Variants in ASCC1 observed in about 807,000 individuals in gnomAD.
ASCC1 encodes ASC-1 complex subunit P50.
In ASCC1, 35 loss-of-function variants were observed where a neutral mutation model predicts 46.6. The ratio of observed to expected loss-of-function variants is 0.75; its 90% CI spans 0.57 to 0.99. The LOEUF (loss-of-function observed/expected upper bound fraction) is 0.99. Ranked by LOEUF, ASCC1 falls within the 50% of genes least tolerant of loss-of-function variation. The pLI is 0.00. For synonymous variants in ASCC1, 143 were observed against 146.6 expected (o/e 0.98, Z 0.18); for missense variants, 376 against 428.7 (o/e 0.88, Z 1.09).
intron 7 of ASCC1, among the ~76,000 whole-genome samples, chr10:72,149,437 CAAAAAAAAAAAAAAA>C (rs11297879): frequency 1.9e-5 from 1 of 52,702 alleles, no homozygotes; most frequent in Non-Finnish European, 3.7e-5. Context: ...GACTCCGTCA[CAAAAAAAAAAAAAAA>C]AAAAAAAAAA....
chr10:72,107,631 CA>C (rs1842486937), intron 9 of ASCC1, among the ~76,000 whole-genome samples: 1 of 152,248 alleles, frequency 6.6e-6, no homozygotes, highest in Non-Finnish European at 1.5e-5. Flanking sequence ...CCTCTACACA[CA>C]GACACACATA....
intron 6 of ASCC1, among the ~76,000 whole-genome samples, chr10:72,160,531 T>C (rs1849517886): frequency 6.6e-6 from 1 of 151,998 alleles, no homozygotes; most frequent in South Asian, 2.1e-4. Context: ...ATGCTTTCCC[T>C]GAGTCAAAAC....
At chr10:72,154,676 G>C (rs1485017362) in intron 6 of ASCC1, among the ~76,000 whole-genome samples, 1 of 152,070 alleles carries the variant, frequency 6.6e-6, no homozygotes, top group Non-Finnish European at 1.5e-5. Context: ...ACTTTTAGTA[G>C]AGACTAGGTT....
At chr10:72,171,706 C>A (rs923888162) in intron 5 of ASCC1, among the ~76,000 whole-genome samples, 2 of 152,146 alleles carry the variant, frequency 1.3e-5, no homozygotes, top group Non-Finnish European at 2.9e-5. Context: ...CGTGAGCCAC[C>A]GCGCCCAGCC....
At chr10:72,146,409 A>G (rs1037540254) in intron 7 of ASCC1, among the ~76,000 whole-genome samples, 3 of 152,258 alleles carry the variant, frequency 2.0e-5, no homozygotes, top group African/African-American at 7.2e-5. Flanking sequence ...GTCTCATCAG[A>G]GTGAACGTTT....
chr10:72,161,145 A>G (rs1159832699), intron 6 of ASCC1, among the ~76,000 whole-genome samples: 2 of 151,836 alleles, frequency 1.3e-5, no homozygotes, highest in African/African-American at 4.8e-5. Flanking sequence ...TTCCCTAGAG[A>G]ATCGTGTTAT....
At chr10:72,119,050 G>A (rs1182421104) in intron 9 of ASCC1, among the ~76,000 whole-genome samples, 3 of 152,204 alleles carry the variant, frequency 2.0e-5, no homozygotes, top group Non-Finnish European at 4.4e-5. Context: ...TGGATACAGA[G>A]AATCACAAGG....
At chr10:72,188,916 C>A (rs4375366) in intron 5 of ASCC1, among the ~76,000 whole-genome samples, 21,515 of 151,848 alleles carry the variant, frequency 0.14, 4,372 homozygotes, top group African/African-American at 0.45. Flanking sequence ...GCCACCACTG[C>A]GAGCTAATTT....
At chr10:72,174,655 T>A (rs4459211) in intron 5 of ASCC1, among the ~76,000 whole-genome samples, 3,698 of 152,232 alleles carry the variant, frequency 0.024, 178 homozygotes, top group African/African-American at 0.085. Context: ...AGACAAAAAA[T>A]AATTCTCAAA....
chr10:72,212,243 G>GT (rs1420702362), intron 2 of ASCC1: 2 of 192,450 alleles, frequency 1.0e-5, no homozygotes, highest in African/African-American at 4.8e-5. Context: ...AACCCGGGAG[G>GT]TAGAGGTTGC....
chr10:72,206,686 GGATTCATTCCAACCCAGA>G (rs1857266885), intron 3 of ASCC1, among the ~76,000 whole-genome samples: 1 of 152,082 alleles, frequency 6.6e-6, no homozygotes, highest in Non-Finnish European at 1.5e-5. Flanking sequence ...AATCCGGCTT[GGATTCATTCCAACCCAGA>G]GATTCATTCC....
intron 5 of ASCC1, among the ~76,000 whole-genome samples, chr10:72,182,854 G>A (rs1269275775): frequency 6.7e-6 from 1 of 149,832 alleles, no homozygotes; most frequent in Admixed American, 6.6e-5. Context: ...AAAACTAAAT[G>A]CAATGCCTGA....
At chr10:72,171,243 T>C (rs1435577805) in intron 5 of ASCC1, among the ~76,000 whole-genome samples, 3 of 152,204 alleles carry the variant, frequency 2.0e-5, no homozygotes, top group Non-Finnish European at 2.9e-5. Flanking sequence ...CCTACCATCT[T>C]CTGGAGGTCA....
chr10:72,201,008 G>A lies in ASCC1; in HGVS notation c.310+2419C>T, dbSNP rs1428932738. 5.9e-5 allele frequency among the ~76,000 whole-genome samples: 9 copies of A among 152,100 alleles called. No individual in the cohort carries two copies. The East Asian group carries it at 9.6e-4, about 16-fold the overall frequency. On this transcript the variant is annotated intron_variant, in intron 4 of 9. Transcript: ENST00000672957. ...ATATCTCAAGTACTCAAAGTCATAC[G>A]CATGACCAGTACCTGACACGTGCGG...
At chr10:72,199,733 TTC>T (rs1214173042) in intron 4 of ASCC1, among the ~76,000 whole-genome samples, 3 of 152,036 alleles carry the variant, frequency 2.0e-5, no homozygotes, top group Non-Finnish European at 4.4e-5. Flanking sequence ...CTTCTTTGTT[TTC>T]TGTTTTTTTG....
At chr10:72,128,004 T>A in intron 9 of ASCC1, 78 bp downstream of exon 9, 1 of 1,085,962 alleles carries the variant, frequency 9.2e-7, no homozygotes, top group Non-Finnish European at 1.4e-6. Flanking sequence ...TGAAGAAATA[T>A]ACGGAGAACT....
chr10:72,176,722 C>T (rs1229319655), intron 5 of ASCC1, among the ~76,000 whole-genome samples: 1 of 152,118 alleles, frequency 6.6e-6, no homozygotes, highest in Non-Finnish European at 1.5e-5. Flanking sequence ...AACTTGGGTG[C>T]CATGTCATTT....
intron 4 of ASCC1, among the ~76,000 whole-genome samples, chr10:72,199,094 T>G (rs1056312721): frequency 1.3e-5 from 2 of 151,542 alleles, no homozygotes; most frequent in African/African-American, 4.9e-5. Context: ...GGATTACAGG[T>G]GTGAGCCACC....
intron 7 of ASCC1, 83 bp from the exon 8 acceptor site, chr10:72,133,264 C>A: frequency 7.0e-7 from 1 of 1,426,078 alleles, no homozygotes; most frequent in Non-Finnish European, 9.9e-7. Context: ...GTTTATGGAG[C>A]ATGTGCTCTG....
Sources: allele counts gnomAD v4.1 joint callset (sites outside exome capture counted in the v4.1 genomes callset), GRCh38; gene constraint gnomAD v4.1.1; transcripts MANE v1.5; gene names NCBI Gene and HGNC (gene_info 2026-07-23, HGNC 2026-07-21).